The following CIMAP3 variants were observed in gnomAD, a reference collection of about 807,000 sequenced individuals.
CIMAP3 encodes ciliary microtubule associated protein 3, also known as ciliary microtubule-associated protein 3.
the CIMAP3 span, chr1:111,348,576 C>G: frequency 6.2e-7 from 1 of 1,612,444 alleles, no homozygotes; most frequent in African/African-American, 1.3e-5. Context: ...AAAACACAAA[C>G]AAAATTTTGC....
At chr1:111,349,255 G>C in the CIMAP3 span, 2 of 152,298 alleles carry the variant, frequency 1.3e-5, no homozygotes, top group Non-Finnish European at 2.9e-5. Context: ...TGAAGATCTG[G>C]GGACCGAGCA....
the CIMAP3 span, among the ~76,000 whole-genome samples, chr1:111,327,269 T>C: frequency 6.6e-6 from 1 of 152,172 alleles, no homozygotes; most frequent in South Asian, 2.1e-4. Context: ...TTTTATATGA[T>C]GAGAGATAGA....
chr1:111,325,308 T>C, the CIMAP3 span, among the ~76,000 whole-genome samples: 1 of 152,244 alleles, frequency 6.6e-6, no homozygotes, highest in African/African-American at 2.4e-5. Flanking sequence ...TTAGGAAGTT[T>C]AAGTAACTTC....
chr1:111,347,563 C>T, the CIMAP3 span: 3 of 674,084 alleles, frequency 4.5e-6, no homozygotes, highest in East Asian at 5.2e-5. Flanking sequence ...TGGGAACACA[C>T]TAAGCTCACT....
At chr1:111,346,712 A>G in the CIMAP3 span, 19 of 1,598,404 alleles carry the variant, frequency 1.2e-5, no homozygotes, top group Non-Finnish European at 1.6e-5. Flanking sequence ...GAGGGCAGGT[A>G]GGGGGAAGGG....
chr1:111,345,237 G>C, the CIMAP3 span, among the ~76,000 whole-genome samples: 1 of 152,156 alleles, frequency 6.6e-6, no homozygotes, highest in Non-Finnish European at 1.5e-5. Flanking sequence ...TGTATTTTAA[G>C]TAGACAAAAT....
At chr1:111,342,063 G>T in the CIMAP3 span, among the ~76,000 whole-genome samples, 1 of 152,212 alleles carries the variant, frequency 6.6e-6, no homozygotes, top group South Asian at 2.1e-4. Context: ...AAACACCTAT[G>T]TACAGTAAGG....
chr1:111,347,691 C>T, the CIMAP3 span: 16 of 1,597,586 alleles, frequency 1.0e-5, no homozygotes, highest in Non-Finnish European at 1.2e-5. Context: ...GCTTGGCATA[C>T]GACTTATCTA....
At chr1:111,338,973 A>G in the CIMAP3 span, among the ~76,000 whole-genome samples, 5 of 152,200 alleles carry the variant, frequency 3.3e-5, no homozygotes, top group African/African-American at 4.8e-5. Context: ...CTGGCAAACC[A>G]AATCCAGCAG....
the CIMAP3 span, among the ~76,000 whole-genome samples, chr1:111,337,315 T>C: frequency 6.6e-6 from 1 of 152,156 alleles, no homozygotes; most frequent in Middle Eastern, 3.2e-3. Flanking sequence ...CCAGCTAACA[T>C]CATAATGACA....
chr1:111,348,231 T>C, the CIMAP3 span: 1 of 259,618 alleles, frequency 3.9e-6, no homozygotes, highest in Non-Finnish European at 7.3e-6. Context: ...TCTAAAAATC[T>C]CTCAGTGAGG....
At chr1:111,333,103 G>T in the CIMAP3 span, among the ~76,000 whole-genome samples, 1 of 152,226 alleles carries the variant, frequency 6.6e-6, no homozygotes, top group African/African-American at 2.4e-5. Flanking sequence ...ATGCTCAGAG[G>T]CTTGAGAGTC....
At chr1:111,341,491 C>T in the CIMAP3 span, among the ~76,000 whole-genome samples, 1 of 152,114 alleles carries the variant, frequency 6.6e-6, no homozygotes, top group African/African-American at 2.4e-5. Flanking sequence ...TGGGATCATA[C>T]GGGCCCACCA....
At chr1:111,337,226 C>T in the CIMAP3 span, among the ~76,000 whole-genome samples, 1 of 152,158 alleles carries the variant, frequency 6.6e-6, no homozygotes, top group South Asian at 2.1e-4. Flanking sequence ...ACAACCAGTA[C>T]CAGCCACTGC....
At chr1:111,352,072 C>G in the CIMAP3 span, 2 of 152,118 alleles carry the variant, frequency 1.3e-5, no homozygotes, top group African/African-American at 4.8e-5. Context: ...CCCCCTAGAA[C>G]CTTACAAGTC....
At chr1:111,348,871 G>T in the CIMAP3 span, 2 of 392,064 alleles carry the variant, frequency 5.1e-6, no homozygotes, top group South Asian at 7.6e-5. Context: ...AGGTAGTTTT[G>T]TAGGTTCGAT....
the CIMAP3 span, among the ~76,000 whole-genome samples, chr1:111,327,966 G>C: frequency 6.6e-6 from 1 of 152,008 alleles, no homozygotes; most frequent in East Asian, 1.9e-4. Flanking sequence ...TCTTTCTAAT[G>C]TTCTGATGTG....
At chr1:111,339,373 G>A in the CIMAP3 span, among the ~76,000 whole-genome samples, 6 of 148,958 alleles carry the variant, frequency 4.0e-5, no homozygotes, top group South Asian at 6.5e-4. Context: ...GGCAGGAGAA[G>A]GAAATAAAGG....
At chr1:111,351,944 T>G in the CIMAP3 span, 1 of 152,234 alleles carries the variant, frequency 6.6e-6, no homozygotes, top group Admixed American at 6.5e-5. Flanking sequence ...CAGTAAGCAC[T>G]GGGGATATGG....
Sources: allele counts gnomAD v4.1 joint callset (sites outside exome capture counted in the v4.1 genomes callset), GRCh38; gene constraint gnomAD v4.1.1; transcripts MANE v1.5; gene names NCBI Gene and HGNC (gene_info 2026-07-23, HGNC 2026-07-21).